Variants in EHD4 observed in about 807,000 individuals in gnomAD.
EHD4 encodes EH domain-containing protein 4.
In EHD4, 37 loss-of-function variants were observed where a neutral mutation model predicts 51.0. That is an observed-to-expected ratio of 0.73 (90% CI 0.56 to 0.95). EHD4 has a LOEUF of 0.95. EHD4 is among the 40% of genes least tolerant of loss of function. The pLI, the probability that EHD4 is intolerant of heterozygous loss-of-function variation, is 0.00. For missense variants in EHD4, 632 were observed against 733.1 expected (o/e 0.86, Z 1.59); for synonymous variants, 297 against 317.3 (o/e 0.94, Z 0.68).
At chr15:41,919,750 T>A in intron 3 of EHD4, 128 bp from the exon 4 acceptor site, 1 of 883,584 alleles carries the variant, frequency 1.1e-6, no homozygotes, top group Non-Finnish European at 1.5e-6. Context: ...CTGGAGGCAG[T>A]GGAGGCCTGG....
intron 5 of EHD4, among the ~76,000 whole-genome samples, chr15:41,902,140 T>C (rs939077780): frequency 6.6e-6 from 1 of 152,112 alleles, no homozygotes; most frequent in Non-Finnish European, 1.5e-5. Context: ...TGGGAAACAC[T>C]GTGACTGCCC....
At chr15:41,960,195 C>T (rs1220305336) in intron 1 of EHD4, among the ~76,000 whole-genome samples, 1 of 152,190 alleles carries the variant, frequency 6.6e-6, no homozygotes, top group Non-Finnish European at 1.5e-5. Context: ...GCATTTCACA[C>T]ATTCAGCTTA....
At chr15:41,958,940 A>C (rs1184655865) in intron 1 of EHD4, among the ~76,000 whole-genome samples, 11 of 152,224 alleles carry the variant, frequency 7.2e-5, no homozygotes, top group Non-Finnish European at 1.6e-4. Flanking sequence ...CCTAAATCAG[A>C]GCCTGAGAGG....
chr15:41,962,643 G>A (rs1271952534), intron 1 of EHD4, among the ~76,000 whole-genome samples: 2 of 152,068 alleles, frequency 1.3e-5, no homozygotes, highest in Admixed American at 6.5e-5. Context: ...TAAAAAGAGC[G>A]CCCGGCCAGC....
At position 41,901,057 on chromosome 15, in the gene EHD4, G is replaced by A. The variant is rs539454245; in HGVS notation, c.1214C>T (p.Thr405Met). The change falls in exon 6 of 6, where the codon ACG (threonine) becomes ATG (methionine). Residue 405 changes from threonine (T) to methionine (M), a missense_variant. Transcript: ENST00000220325. Reference protein sequence around the residue: ...PLMNLISQEETSTPTQLVQGG... With the variant: ...PLMNLISQEEMSTPTQLVQGG... ...CTGCACCAGCTGCGTGGGCGTGCTC[G>A]TCTCCTCCTGGCTGATGAGGTTCAT... is the stretch of plus-strand genomic sequence containing the variant. 140 of 1,612,782 alleles carry A rather than the reference G, an allele frequency of 8.7e-5. 1 individual carries two copies. Among genetic ancestry groups the A allele is most frequent in the Admixed American group, 7.2e-4 (43 of 59,924 alleles).
At chr15:41,932,658 G>A (rs763885256) in intron 3 of EHD4, among the ~76,000 whole-genome samples, 1 of 152,232 alleles carries the variant, frequency 6.6e-6, no homozygotes, top group African/African-American at 2.4e-5. Context: ...GCCAGAAGCC[G>A]GGCCCCTCAG....
At chr15:41,940,305 AT>A (rs1395648172) in intron 3 of EHD4, among the ~76,000 whole-genome samples, 45 of 152,172 alleles carry the variant, frequency 3.0e-4, no homozygotes, top group Admixed American at 1.3e-3. Flanking sequence ...TACCCAGTCT[AT>A]TATCCCATGT....
At chr15:41,947,221 T>G (rs528961797) in intron 2 of EHD4, among the ~76,000 whole-genome samples, 2 of 152,132 alleles carry the variant, frequency 1.3e-5, no homozygotes, top group Admixed American at 6.5e-5. Flanking sequence ...CAGGGCAACA[T>G]CCTAAAACAA....
chr15:41,954,015 C>A lies in EHD4; in HGVS notation c.237-75G>T. 7.3e-6 allele frequency: 11 copies of A among 1,501,854 alleles called. No homozygotes were observed. The South Asian group carries it at 1.3e-4, about 18-fold the overall frequency. The allele number at this position is 1,501,854 out of a possible 1,614,324, so 93.0% of individuals were successfully genotyped here. A position where few individuals can be genotyped will look rare whatever the true frequency, so the allele number is the denominator to read the frequency against. On this transcript the variant is annotated intron_variant, in intron 1 of 5. Transcript: ENST00000220325. ...GAGGCCAGAAAGCTGCCTGGGATTA[C>A]CAATTTTTTTACATAATCATTTAAA...
chr15:41,962,545 A>G (rs1251089547), intron 1 of EHD4, among the ~76,000 whole-genome samples: 6 of 150,932 alleles, frequency 4.0e-5, no homozygotes, highest in Admixed American at 4.0e-4. Context: ...CAAAAGACAA[A>G]AAAAAAAAAA....
At chr15:41,963,548 G>A (rs552370924) in intron 1 of EHD4, among the ~76,000 whole-genome samples, 55 of 149,702 alleles carry the variant, frequency 3.7e-4, no homozygotes, top group African/African-American at 1.2e-3. Flanking sequence ...GCAGTGAGCC[G>A]AGAACGTGCT....
At chr15:41,946,241 C>T (rs764528750) in intron 2 of EHD4, among the ~76,000 whole-genome samples, 2 of 152,120 alleles carry the variant, frequency 1.3e-5, no homozygotes, top group African/African-American at 2.4e-5. Context: ...GGCCCTCACC[C>T]GAGGATGACC....
intron 1 of EHD4, 107 bp from the exon 2 acceptor site, chr15:41,954,047 G>C (rs1209580494): frequency 3.2e-6 from 4 of 1,238,080 alleles, no homozygotes; most frequent in Non-Finnish European, 4.6e-6. Flanking sequence ...TAAAAACGTA[G>C]AAACATAACC....
At chr15:41,930,546 T>C (rs2067691594) in intron 3 of EHD4, among the ~76,000 whole-genome samples, 1 of 152,138 alleles carries the variant, frequency 6.6e-6, no homozygotes, top group Non-Finnish European at 1.5e-5. Context: ...ACCAACGGGA[T>C]GACAACTGGG....
At chr15:41,910,572 G>GTATA (rs201982603) in intron 4 of EHD4, among the ~76,000 whole-genome samples, 1 of 151,964 alleles carries the variant, frequency 6.6e-6, no homozygotes, top group African/African-American at 2.4e-5. Context: ...AGTTCTCTTT[G>GTATA]TATATATATA....
intron 3 of EHD4, among the ~76,000 whole-genome samples, chr15:41,923,084 A>G (rs1212334799): frequency 6.6e-6 from 1 of 152,194 alleles, no homozygotes; most frequent in East Asian, 1.9e-4. Context: ...AGTGGCATTA[A>G]ATAAGTCACA....
chr15:41,940,633 C>T (rs116080041), intron 3 of EHD4, among the ~76,000 whole-genome samples: 66 of 152,222 alleles, frequency 4.3e-4, no homozygotes, highest in African/African-American at 1.4e-3. Context: ...CAGGGACCGC[C>T]GACTGGCTGG....
chr15:41,950,395 T>A (rs918330069), intron 2 of EHD4, among the ~76,000 whole-genome samples: 1 of 152,244 alleles, frequency 6.6e-6, no homozygotes, highest in African/African-American at 2.4e-5. Context: ...CTGGTGTGGC[T>A]GCTTGGGAGA....
chr15:41,919,993 A>T (rs1325606943), intron 3 of EHD4, among the ~76,000 whole-genome samples: 1 of 152,216 alleles, frequency 6.6e-6, no homozygotes, highest in East Asian at 1.9e-4. Context: ...GGGTCAAAAG[A>T]TCTTACTTCT....
Sources: gnomAD v4.1 joint callset for allele counts (sites outside exome capture counted in the v4.1 genomes callset) on GRCh38, gnomAD v4.1.1 for gene constraint, MANE v1.5 for transcripts, NCBI Gene and HGNC (gene_info 2026-07-23, HGNC 2026-07-21) for gene names.